MCU: variants seen among roughly 807,000 people sequenced by gnomAD.
MCU encodes the protein calcium uniporter protein, mitochondrial.
A neutral mutation model predicts 45.2 loss-of-function variants in MCU; 12 were observed. The ratio of observed to expected loss-of-function variants is 0.27; its 90% CI spans 0.17 to 0.43. The LOEUF is 0.43. Ranked by LOEUF, MCU falls within the 20% of genes least tolerant of loss-of-function variation. MCU has a pLI of 1.00. For synonymous variants in MCU, 160 were observed against 165.1 expected (o/e 0.97, Z 0.24); for missense variants, 324 against 436.7 (o/e 0.74, Z 2.30).
chr10:72,739,633 T>C (rs890299122), intron 1 of MCU, among the ~76,000 whole-genome samples: 1 of 152,180 alleles, frequency 6.6e-6, no homozygotes, highest in Middle Eastern at 3.2e-3. Context: ...GGTATGTGAT[T>C]ATTCAGCCTC....
At chr10:72,832,433 G>A (rs1237682014) in intron 1 of MCU, among the ~76,000 whole-genome samples, 1 of 152,096 alleles carries the variant, frequency 6.6e-6, no homozygotes, top group African/African-American at 2.4e-5. Context: ...GATGTAACAG[G>A]CATATGCAAA....
intron 1 of MCU, among the ~76,000 whole-genome samples, chr10:72,742,022 C>CAAAAAAAAAAAAAAA (rs59028044): frequency 1.4e-5 from 1 of 72,888 alleles, no homozygotes; most frequent in African/African-American, 5.6e-5. Flanking sequence ...GACTCCGTCT[C>CAAAAAAAAAAAAAAA]AAAAAAAAAA....
chr10:72,816,052 A>C (rs563528111), intron 1 of MCU, among the ~76,000 whole-genome samples: 44 of 152,188 alleles, frequency 2.9e-4, no homozygotes, highest in Admixed American at 5.9e-4. Context: ...GGTGCCTGTA[A>C]TCCCAGCTAC....
intron 1 of MCU, chr10:72,731,022 A>G (rs2132684532): frequency 6.6e-6 from 1 of 152,396 alleles, no homozygotes; most frequent in Non-Finnish European, 1.5e-5. Flanking sequence ...TCCTAGGCTC[A>G]AGGGATCCAC....
chr10:72,884,432 A>G (rs754830924), intron 7 of MCU, 50 bp downstream of exon 7: 17 of 1,006,082 alleles, frequency 1.7e-5, no homozygotes, highest in Non-Finnish European at 1.3e-5. Flanking sequence ...TTGCATGGTT[A>G]TTATTATTAT....
chr10:72,812,098 C>T (rs1169333659), intron 1 of MCU, among the ~76,000 whole-genome samples: 6 of 149,448 alleles, frequency 4.0e-5, no homozygotes, highest in Admixed American at 2.7e-4. Flanking sequence ...TTTTTTTTAA[C>T]ATGGAGAGTA....
At chr10:72,794,412 A>G (rs547328947) in intron 1 of MCU, among the ~76,000 whole-genome samples, 15 of 152,284 alleles carry the variant, frequency 9.9e-5, no homozygotes, top group East Asian at 9.6e-4. Context: ...CTTTCTGCCT[A>G]TGGGGTTGTT....
intron 1 of MCU, among the ~76,000 whole-genome samples, chr10:72,753,563 A>T (rs1013508737): frequency 6.6e-6 from 1 of 152,138 alleles, no homozygotes; most frequent in Non-Finnish European, 1.5e-5. Context: ...AACTTGCATC[A>T]TTTCATTTAA....
intron 4 of MCU, among the ~76,000 whole-genome samples, chr10:72,865,169 G>A (rs1232053013): frequency 6.6e-6 from 1 of 152,062 alleles, no homozygotes; most frequent in Non-Finnish European, 1.5e-5. Flanking sequence ...AATAAGAAAA[G>A]GCAGAAATTG....
intron 1 of MCU, among the ~76,000 whole-genome samples, chr10:72,734,856 A>T (rs1053923830): frequency 6.6e-6 from 1 of 151,878 alleles, no homozygotes; most frequent in East Asian, 1.9e-4. Context: ...GGCTCAAGCT[A>T]TTCTCCCACC....
intron 1 of MCU, among the ~76,000 whole-genome samples, chr10:72,765,104 AAG>A (rs1307665134): frequency 3.3e-5 from 5 of 151,428 alleles, no homozygotes; most frequent in Admixed American, 1.3e-4. Flanking sequence ...AAAAAAAAAA[AAG>A]AGAGAGTTAG....
intron 1 of MCU, among the ~76,000 whole-genome samples, chr10:72,774,030 AAAACTTTTCAACATATAACAT>A (rs1454465252): frequency 1.3e-5 from 2 of 152,332 alleles, no homozygotes; most frequent in East Asian, 1.9e-4. Context: ...GTGCTAAAGG[AAAACTTTTCAACATATAACAT>A]AAACTTTTCA....
chr10:72,706,752 G>A (rs1842825920), intron 1 of MCU, among the ~76,000 whole-genome samples: 1 of 150,782 alleles, frequency 6.6e-6, no homozygotes, highest in Non-Finnish European at 1.5e-5. Context: ...GGCCAGAATG[G>A]TCTCGATCTG....
intron 1 of MCU, among the ~76,000 whole-genome samples, chr10:72,729,415 A>G (rs1369899157): frequency 6.6e-6 from 1 of 152,232 alleles, no homozygotes; most frequent in Non-Finnish European, 1.5e-5. Flanking sequence ...GGCTGCCGTG[A>G]GCCGAGATTG....
chr10:72,819,996 AGGGGAAAGTGT>A (rs1228335704), intron 1 of MCU, among the ~76,000 whole-genome samples: 1 of 152,096 alleles, frequency 6.6e-6, no homozygotes, highest in African/African-American at 2.4e-5. Flanking sequence ...GAAAAGTCTG[AGGGGAAAGTGT>A]GTACTTTTTA....
chr10:72,822,387 A>G (rs1564566953), intron 1 of MCU, among the ~76,000 whole-genome samples: 1 of 152,224 alleles, frequency 6.6e-6, no homozygotes, highest in Admixed American at 6.5e-5. Context: ...ATGGCCATTA[A>G]AAAGTTATGA....
intron 2 of MCU, among the ~76,000 whole-genome samples, chr10:72,852,006 A>G (rs1845213780): frequency 6.6e-6 from 1 of 151,868 alleles, no homozygotes; most frequent in Non-Finnish European, 1.5e-5. Flanking sequence ...CAGCTTCAAG[A>G]TCCTCCAAAT....
chr10:72,867,237 G>A (rs946055064), intron 4 of MCU, among the ~76,000 whole-genome samples: 2 of 151,848 alleles, frequency 1.3e-5, no homozygotes, highest in Admixed American at 1.3e-4. Context: ...GTTTTGTTTA[G>A]AAGAGTGCTA....
At chr10:72,731,468 A>G (rs1323984797) in intron 1 of MCU, among the ~76,000 whole-genome samples, 1 of 152,166 alleles carries the variant, frequency 6.6e-6, no homozygotes, top group Non-Finnish European at 1.5e-5. Flanking sequence ...AGTTCGCATA[A>G]CATAACATTC....
Sources: allele counts gnomAD v4.1 joint callset (sites outside exome capture counted in the v4.1 genomes callset), GRCh38; gene constraint gnomAD v4.1.1; transcripts MANE v1.5; gene names NCBI Gene and HGNC (gene_info 2026-07-23, HGNC 2026-07-21).